Variants in DPF2 observed in about 807,000 individuals in gnomAD.
DPF2 encodes the protein zinc finger protein ubi-d4.
In DPF2, 10 loss-of-function variants were observed where a neutral mutation model predicts 59.6. The ratio of observed to expected loss-of-function variants is 0.17; its 90% CI spans 0.10 to 0.28. The LOEUF (loss-of-function observed/expected upper bound fraction) is 0.28, where lower values mean the gene tolerates loss of function less well. Ranked by LOEUF, DPF2 falls within the 10% of genes least tolerant of loss-of-function variation. DPF2 has a pLI of 1.00. For missense variants in DPF2, 315 were observed against 509.4 expected (o/e 0.62, Z 3.67); for synonymous variants, 189 against 190.6 (o/e 0.99, Z 0.07).
chr11:65,350,172 G>A (rs1034007019), intron 10 of DPF2, among the ~76,000 whole-genome samples: 1 of 152,070 alleles, frequency 6.6e-6, no homozygotes, highest in Non-Finnish European at 1.5e-5. Context: ...GGACATCGAG[G>A]TAGTGGAGAG....
rs896791465 is a variant in DPF2 at position 65,337,028 on chromosome 11, A to G, written c.32+3110A>G. Among the ~76,000 whole-genome samples the G allele has an allele frequency of 3.9e-5, 6 of 152,258 alleles. No individual in the cohort carries two copies. In the East Asian group the frequency reaches 1.2e-3, roughly 29 times the overall value. ...GCTTGAACCCAGGAGAGATCACACC[A>G]CTGCACTCCAGCCCAGGCGACAGAG... On this transcript the variant is annotated intron_variant, in intron 1 of 10. Coordinates refer to ENST00000528416, the MANE Select transcript of DPF2 (RefSeq NM_006268.5).
intron 7 of DPF2, 56 bp downstream of exon 7, chr11:65,345,859 C>A: frequency 6.2e-7 from 1 of 1,613,372 alleles, no homozygotes; most frequent in South Asian, 1.1e-5. Context: ...GTTATGAAAA[C>A]CACTCCTTGC....
intron 1 of DPF2, among the ~76,000 whole-genome samples, chr11:65,340,164 A>C (rs1448522766): frequency 6.6e-6 from 1 of 152,204 alleles, no homozygotes; most frequent in South Asian, 2.1e-4. Context: ...TGATGAAATC[A>C]TGTGTTCCTG....
intron 1 of DPF2, among the ~76,000 whole-genome samples, chr11:65,337,492 T>TAGAG (rs1854213357): frequency 1.5e-5 from 1 of 67,404 alleles, no homozygotes; most frequent in African/African-American, 6.2e-5. Context: ...TATATATATA[T>TAGAG]ATATATATAT....
Position 65,353,607 on chromosome 11 carries a change from G to A in DPF2, c.*1848G>A, listed in dbSNP as rs74809589. Among the ~76,000 whole-genome samples the A allele has an allele frequency of 5.6e-3, 857 of 152,326 alleles. 4 individuals carry two copies. Among genetic ancestry groups the A allele is most frequent in the African/African-American group, 0.019 (806 of 41,570 alleles). On this transcript the variant is annotated 3_prime_UTR_variant, in exon 11 of 11. Coordinates refer to ENST00000528416, the MANE Select transcript of DPF2 (RefSeq NM_006268.5). ...CAAAGTGAACATGTGGAGAGCTTAC[G>A]TGGCAGCGCGTATGTCTTCAGTGTG...
chr11:65,342,320 C>G (rs560602035), intron 4 of DPF2, among the ~76,000 whole-genome samples: 5 of 151,762 alleles, frequency 3.3e-5, no homozygotes, highest in African/African-American at 1.2e-4. Flanking sequence ...CATGGTGGCA[C>G]ACGCCTGCAG....
intron 4 of DPF2, chr11:65,343,423 A>T (rs183681710): frequency 3.0e-6 from 1 of 332,946 alleles, no homozygotes; most frequent in Non-Finnish European, 5.5e-6. Context: ...AGGGTGGCCA[A>T]TCAGAGGCAG....
intron 9 of DPF2, chr11:65,347,606 T>G (rs1005823137): frequency 2.0e-5 from 3 of 152,130 alleles, no homozygotes; most frequent in African/African-American, 7.2e-5. Context: ...AGTGCTGGGA[T>G]TACAGGCATG....
At chr11:65,345,606 G>A in intron 6 of DPF2, 60 bp from the exon 7 acceptor site, 1 of 1,600,700 alleles carries the variant, frequency 6.2e-7, no homozygotes, top group South Asian at 1.1e-5. Flanking sequence ...AGCTTGCAGG[G>A]ATGGGGACAT....
intron 4 of DPF2, 159 bp from the exon 5 acceptor site, chr11:65,343,586 C>T (rs768172009): frequency 6.3e-5 from 40 of 632,112 alleles, no homozygotes; most frequent in Non-Finnish European, 9.5e-5. Context: ...GGAGCAGGAG[C>T]AGGATTATAG....
intron 1 of DPF2, among the ~76,000 whole-genome samples, chr11:65,337,452 CAAAAAA>C (rs750931920): frequency 8.9e-4 from 12 of 13,510 alleles, no homozygotes; most frequent in African/African-American, 3.2e-3. Context: ...GACTCTATCT[CAAAAAA>C]AAAAAAAAAA....
chr11:65,339,083 A>G (rs551404499), intron 1 of DPF2, among the ~76,000 whole-genome samples: 30 of 152,238 alleles, frequency 2.0e-4, no homozygotes, highest in African/African-American at 6.3e-4. Flanking sequence ...TAGGGATACT[A>G]TGAGAAATAA....
chr11:65,339,179 A>G (rs1854293152), intron 1 of DPF2, among the ~76,000 whole-genome samples: 1 of 152,042 alleles, frequency 6.6e-6, no homozygotes, highest in African/African-American at 2.4e-5. Flanking sequence ...AGGCTAAGGC[A>G]GGAGGATCAC....
chr11:65,343,115 G>C (rs7947014), intron 4 of DPF2, among the ~76,000 whole-genome samples: 17,715 of 151,492 alleles, frequency 0.12, 2,049 homozygotes, highest in African/African-American at 0.3. Context: ...GCCTGACCAA[G>C]ATGAAGAAAC....
rs745874106 is a variant in DPF2, at chr11:65,343,982, T to C, written c.559-9T>C. On this transcript the variant is annotated splice_polypyrimidine_tract_variant and intron_variant, in intron 5 of 10. Coordinates refer to ENST00000528416, the MANE Select transcript of DPF2 (RefSeq NM_006268.5). Reference sequence around the variant, plus strand: ...CAAAATAAGGGTGTCTCTTTGCTCTTCTTGGCAGGGTAAGGGTGTGGGCAG... The same window carrying C: ...CAAAATAAGGGTGTCTCTTTGCTCTCCTTGGCAGGGTAAGGGTGTGGGCAG... 3 of 1,614,050 alleles carry C rather than the reference T, an allele frequency of 1.9e-6. No homozygotes were observed. Among genetic ancestry groups the C allele is most frequent in the Non-Finnish European group, 2.5e-6 (3 of 1,180,028 alleles).
At position 65,345,926 on chromosome 11, in the gene DPF2, G is replaced by A. The variant is rs1266539575; in HGVS notation, c.776-4G>A. On this transcript the variant is annotated splice_region_variant and splice_polypyrimidine_tract_variant and intron_variant, in intron 7 of 10. Coordinates refer to ENST00000528416, the MANE Select transcript of DPF2 (RefSeq NM_006268.5). ...GGTGTCATCAAAACTCTTTCTCTCT[G>A]TAGCCAAAAAGGGTCCTGATGGATT... is the stretch of plus-strand genomic sequence containing the variant. 1.2e-6 allele frequency: 2 copies of A among 1,613,900 alleles called. No individual in the cohort carries two copies. The highest frequency in any genetic ancestry group is 1.7e-6 in the Non-Finnish European group (2 of 1,179,980).
rs1854252999 is a variant in DPF2 at position 65,337,874 on chromosome 11, G to A, written c.33-2511G>A. On this transcript the variant is annotated intron_variant, in intron 1 of 10. Transcript: ENST00000528416. ...GGCTGGAGTGCAATGGCGCAATCTCGGCTCACCGCAACCTCCGCCTCCCAG... is the reference window on the plus strand; with the variant it reads ...GGCTGGAGTGCAATGGCGCAATCTCAGCTCACCGCAACCTCCGCCTCCCAG... 2.6e-5 allele frequency among the ~76,000 whole-genome samples: 4 copies of A among 151,634 alleles called. 1 individual carries two copies. Among genetic ancestry groups the A allele is most frequent in the South Asian group, 4.2e-4 (2 of 4,798 alleles).
At chr11:65,341,318 G>T (rs1272186928) in intron 3 of DPF2, 81 bp from the exon 4 acceptor site, 1 of 1,579,632 alleles carries the variant, frequency 6.3e-7, no homozygotes, top group African/African-American at 1.4e-5. Flanking sequence ...CAGACCTTTG[G>T]TAAGCCCCAG....
chr11:65,336,150 G>T (rs1214507856), intron 1 of DPF2, among the ~76,000 whole-genome samples: 4 of 151,798 alleles, frequency 2.6e-5, no homozygotes, highest in African/African-American at 7.3e-5. Flanking sequence ...CCTGGGAAAA[G>T]AATTTTCTTA....
Sources: allele counts gnomAD v4.1 joint callset (sites outside exome capture counted in the v4.1 genomes callset), GRCh38; gene constraint gnomAD v4.1.1; transcripts MANE v1.5; gene names NCBI Gene and HGNC (gene_info 2026-07-23, HGNC 2026-07-21).